The following PID1 variants were observed in gnomAD, a reference collection of about 807,000 sequenced individuals.
The protein encoded by PID1 is phosphotyrosine interaction domain containing 1.
In PID1, 10 loss-of-function variants were observed where a neutral mutation model predicts 19.1. That is an observed-to-expected ratio of 0.52 (90% CI 0.32 to 0.89). PID1 has a LOEUF of 0.89. Ranked by LOEUF, PID1 falls within the 40% of genes least tolerant of loss-of-function variation. The pLI is 0.03. For missense variants in PID1, 248 were observed against 285.3 expected (o/e 0.87, Z 0.94); for synonymous variants, 130 against 116.0 (o/e 1.12, Z -0.78).
rs542909160 is a variant in PID1 at position 229,265,709 on chromosome 2, T to G, written c.30+5305A>C. ...CTAACAAGTCCCTGAACTGCTGCTA[T>G]TCACAGAATAAAATACCTTGTAGAA... On this transcript the variant is annotated intron_variant, in intron 1 of 2. Coordinates refer to ENST00000392055, the MANE Select transcript of PID1 (RefSeq NM_001100818.2). Among the ~76,000 whole-genome samples, 13 of 152,346 alleles carry G rather than the reference T, an allele frequency of 8.5e-5. No individual in the cohort carries two copies. The South Asian group carries it at 2.1e-3, about 24-fold the overall frequency.
chr2:229,108,924 T>C (rs1007578495), intron 2 of PID1, among the ~76,000 whole-genome samples: 2 of 152,196 alleles, frequency 1.3e-5, no homozygotes, highest in South Asian at 2.1e-4. Flanking sequence ...ACTCTCTGTA[T>C]GATATCAGCA....
chr2:229,056,548 A>G (rs529230693), intron 2 of PID1, among the ~76,000 whole-genome samples: 2 of 132,330 alleles, frequency 1.5e-5, no homozygotes, highest in African/African-American at 5.2e-5. Context: ...AAATAAATCT[A>G]TTTCAAAAAG....
At chr2:229,230,908 GTTTC>G (rs1195212333) in intron 1 of PID1, among the ~76,000 whole-genome samples, 3 of 151,940 alleles carry the variant, frequency 2.0e-5, no homozygotes, top group Admixed American at 1.3e-4. Context: ...CTCTTGATTT[GTTTC>G]TTTATTTAAC....
rs917521756 is a variant in PID1, at chr2:229,137,945, A to C, written c.177+17873T>G. The stretch of plus-strand genomic sequence containing the variant: ...AACCCATCGACAGTTCCCTACGTAG[A>C]ACAGGTGAAGATTTTGCTTTGTGCA... On this transcript the variant is annotated intron_variant, in intron 2 of 2. Coordinates refer to ENST00000392055, the MANE Select transcript of PID1 (RefSeq NM_001100818.2). Among the ~76,000 whole-genome samples the C allele has an allele frequency of 2.0e-5, 3 of 152,214 alleles. No individual in the cohort carries two copies. The South Asian group carries it at 6.2e-4, about 32-fold the overall frequency.
chr2:229,136,650 C>G (rs967815661), intron 2 of PID1, among the ~76,000 whole-genome samples: 5 of 152,160 alleles, frequency 3.3e-5, no homozygotes, highest in Non-Finnish European at 7.4e-5. Flanking sequence ...CATTAAAAAT[C>G]AATTAAGGAA....
intron 1 of PID1, among the ~76,000 whole-genome samples, chr2:229,209,735 C>T (rs773526229): frequency 1.3e-5 from 2 of 152,186 alleles, no homozygotes. Context: ...GCCCTTACTT[C>T]AAATGTAAGT....
At chr2:229,262,726 C>A in intron 1 of PID1, 1 of 1,551,602 alleles carries the variant, frequency 6.4e-7, no homozygotes, top group Non-Finnish European at 8.7e-7. Context: ...TTGGCAGGGC[C>A]ACACACCATC....
intron 1 of PID1, among the ~76,000 whole-genome samples, chr2:229,160,180 T>C (rs1047533318): frequency 2.0e-5 from 3 of 152,158 alleles, no homozygotes; most frequent in Non-Finnish European, 2.9e-5. Context: ...TTTCAGGAGG[T>C]TGAGACAACC....
intron 1 of PID1, among the ~76,000 whole-genome samples, chr2:229,220,904 G>A (rs1437647217): frequency 1.3e-5 from 2 of 151,006 alleles, no homozygotes; most frequent in African/African-American, 2.4e-5. Flanking sequence ...TGATATTTTA[G>A]TGAAAAAAAA....
intron 1 of PID1, among the ~76,000 whole-genome samples, chr2:229,165,480 C>T (rs1690578703): frequency 6.6e-6 from 1 of 151,828 alleles, no homozygotes; most frequent in African/African-American, 2.4e-5. Flanking sequence ...ACTTGGGAGG[C>T]TGAGGTGGCA....
chr2:229,148,879 T>C (rs982946498), intron 2 of PID1, among the ~76,000 whole-genome samples: 4 of 152,030 alleles, frequency 2.6e-5, no homozygotes, highest in Non-Finnish European at 4.4e-5. Context: ...GGTTAGCTCA[T>C]ATAAACTTTT....
intron 2 of PID1, among the ~76,000 whole-genome samples, chr2:229,094,874 A>G (rs1694944184): frequency 6.6e-6 from 1 of 152,190 alleles, no homozygotes; most frequent in Non-Finnish European, 1.5e-5. Flanking sequence ...AAAAACAAAC[A>G]AAAGAAAAAA....
chr2:229,214,916 C>G (rs191033092), intron 1 of PID1, among the ~76,000 whole-genome samples: 1 of 152,032 alleles, frequency 6.6e-6, no homozygotes, highest in Non-Finnish European at 1.5e-5. Context: ...TACTATTTTA[C>G]AGCTTACTTT....
chr2:229,193,723 TAATAAA>T (rs1340154453), intron 1 of PID1, among the ~76,000 whole-genome samples: 1 of 151,488 alleles, frequency 6.6e-6, no homozygotes, highest in African/African-American at 2.4e-5. Flanking sequence ...GACACATAAT[TAATAAA>T]TAATATATAC....
At position 229,266,640 on chromosome 2, in the gene PID1, C is replaced by A. The variant is rs116736563; in HGVS notation, c.30+4374G>T. Among the ~76,000 whole-genome samples, 1,056 of 152,318 alleles carry A rather than the reference C, an allele frequency of 6.9e-3. 14 individuals carry two copies. The highest frequency in any genetic ancestry group is 0.025 in the African/African-American group (1,022 of 41,568). ...GTGCTTAAGAAGTAAGGATTGGAAC[C>A]AAACTGTCTGGTTCAAACTCCAGCT... On this transcript the variant is annotated intron_variant, in intron 1 of 2. Transcript: ENST00000392055.
At chr2:229,270,548 T>C (rs777978421) in intron 1 of PID1, among the ~76,000 whole-genome samples, 55 of 150,226 alleles carry the variant, frequency 3.7e-4, no homozygotes, top group Non-Finnish European at 6.8e-4. Context: ...ATAAGTAGCA[T>C]ACCATGACCA....
At chr2:229,124,801 G>A (rs534435472) in intron 2 of PID1, among the ~76,000 whole-genome samples, 40 of 152,096 alleles carry the variant, frequency 2.6e-4, no homozygotes, top group Non-Finnish European at 4.6e-4. Flanking sequence ...AGTCTGGGTG[G>A]ACAAGTGACC....
chr2:229,233,492 T>A (rs1229637158), intron 1 of PID1, among the ~76,000 whole-genome samples: 2 of 130 alleles, frequency 0.015, no homozygotes, highest in Non-Finnish European at 0.026. Context: ...TGTGCTAGAT[T>A]TTTTTTTTTT....
intron 2 of PID1, among the ~76,000 whole-genome samples, chr2:229,026,432 C>T (rs1693425185): frequency 6.6e-6 from 1 of 152,168 alleles, no homozygotes; most frequent in Non-Finnish European, 1.5e-5. Context: ...TTTGGCATTC[C>T]TTTAACATCA....
Sources: gnomAD v4.1 joint callset for allele counts (sites outside exome capture counted in the v4.1 genomes callset) on GRCh38, gnomAD v4.1.1 for gene constraint, MANE v1.5 for transcripts, NCBI Gene and HGNC (gene_info 2026-07-23, HGNC 2026-07-21) for gene names.